SVOPL: variants seen among roughly 807,000 people sequenced by gnomAD.
SVOPL encodes the protein putative transporter SVOPL.
Under a neutral mutation model 61.0 loss-of-function variants are expected in SVOPL, and 60 were observed. The ratio of observed to expected loss-of-function variants is 0.98; its 90% confidence interval spans 0.80 to 1.22. SVOPL has a LOEUF of 1.22. SVOPL is among the 50% of genes most tolerant of loss of function. The pLI, the probability that SVOPL is intolerant of heterozygous loss-of-function variation, is 0.00. For synonymous variants in SVOPL, 279 were observed against 250.0 expected (o/e 1.12, Z -1.09); for missense variants, 662 against 643.9 (o/e 1.03, Z -0.30).
At chr7:138,603,271 A>C (rs574909411) in intron 14 of SVOPL, among the ~76,000 whole-genome samples, 1 of 152,298 alleles carries the variant, frequency 6.6e-6, no homozygotes, top group East Asian at 1.9e-4. Flanking sequence ...AGGTCTTGTG[A>C]TTTGATGGTG....
At position 138,620,961 on chromosome 7, in the gene SVOPL, G is replaced by C; in HGVS notation, c.1353+85C>G. 3 of 1,233,972 alleles carry C rather than the reference G, an allele frequency of 2.4e-6. No individual in the cohort carries two copies. In the East Asian group the frequency reaches 7.6e-5, roughly 31 times the overall value. 76.4% of individuals were successfully genotyped at this position (1,233,972 alleles called of 1,614,324 possible). ...CTCATGAAGTCAACAGAAATCCTCC[G>C]TTCTGCCTTTAATCTGAAGGTCCCT... On this transcript the variant is annotated intron_variant, in intron 14 of 15. Coordinates refer to ENST00000674285, the MANE Select transcript of SVOPL (RefSeq NM_001139456.2).
chr7:138,667,923 T>A (rs976301724), intron 4 of SVOPL, among the ~76,000 whole-genome samples: 3 of 152,210 alleles, frequency 2.0e-5, no homozygotes, highest in Non-Finnish European at 4.4e-5. Context: ...ACCAACCTCC[T>A]TCTTGGCTAG....
intron 13 of SVOPL, among the ~76,000 whole-genome samples, chr7:138,621,822 G>C (rs62485309): frequency 0.083 from 1,110 of 13,340 alleles, 36 homozygotes; most frequent in African/African-American, 0.16. Context: ...ATGTATCTAT[G>C]TATCTATGTA....
At chr7:138,622,493 C>CGG (rs916531316) in intron 13 of SVOPL, among the ~76,000 whole-genome samples, 2 of 101,124 alleles carry the variant, frequency 2.0e-5, no homozygotes, top group South Asian at 2.6e-4. Context: ...CAGCGGCGGG[C>CGG]GGGGGGTCTC....
intron 1 of SVOPL, among the ~76,000 whole-genome samples, chr7:138,698,008 G>A (rs1287194531): frequency 6.6e-6 from 1 of 151,052 alleles, no homozygotes; most frequent in East Asian, 1.9e-4. Context: ...GGAGGAAAGA[G>A]GAAAGGAGGG....
intron 10 of SVOPL, among the ~76,000 whole-genome samples, chr7:138,629,583 A>C (rs1442822354): frequency 6.6e-6 from 1 of 152,160 alleles, no homozygotes; most frequent in Admixed American, 6.6e-5. Flanking sequence ...TTCCTAATTT[A>C]ATGTATTAAA....
chr7:138,631,600 G>C (rs376948763), intron 9 of SVOPL, among the ~76,000 whole-genome samples: 1 of 151,764 alleles, frequency 6.6e-6, no homozygotes, highest in African/African-American at 2.4e-5. Flanking sequence ...AAGGAGTCTC[G>C]CTCTGTCACC....
At chr7:138,691,748 C>A (rs1234171374) in intron 1 of SVOPL, among the ~76,000 whole-genome samples, 1 of 151,994 alleles carries the variant, frequency 6.6e-6, no homozygotes, top group African/African-American at 2.4e-5. Flanking sequence ...GCCACGTTGG[C>A]CAGGCTGATC....
At chr7:138,671,157 T>C (rs1379800504) in intron 4 of SVOPL, among the ~76,000 whole-genome samples, 3 of 152,154 alleles carry the variant, frequency 2.0e-5, no homozygotes, top group Non-Finnish European at 1.5e-5. Context: ...CAATTCATGC[T>C]CAGCAGGTGG....
chr7:138,648,245 G>T (rs1208772762), intron 8 of SVOPL, among the ~76,000 whole-genome samples: 1 of 152,058 alleles, frequency 6.6e-6, no homozygotes, highest in Admixed American at 6.6e-5. Context: ...AGGAAGAGGG[G>T]CAACGAGGCA....
At chr7:138,640,912 T>C (rs987053083) in intron 9 of SVOPL, among the ~76,000 whole-genome samples, 1 of 151,894 alleles carries the variant, frequency 6.6e-6, no homozygotes, top group African/African-American at 2.4e-5. Flanking sequence ...GAATCTAAAA[T>C]AAGAGTTGAC....
At chr7:138,599,580 A>G (rs954752366) in intron 14 of SVOPL, among the ~76,000 whole-genome samples, 4 of 152,184 alleles carry the variant, frequency 2.6e-5, no homozygotes, top group Admixed American at 6.5e-5. Flanking sequence ...AGGCCTATGT[A>G]TAAATAAATT....
chr7:138,644,498 T>C (rs1489688225), intron 9 of SVOPL, among the ~76,000 whole-genome samples: 2 of 152,226 alleles, frequency 1.3e-5, no homozygotes, highest in African/African-American at 4.8e-5. Flanking sequence ...GGTGTTATTA[T>C]TCCCATTTTA....
In SVOPL at chr7:138,641,814, T is replaced by TTATA. The variant is rs10666134; in HGVS notation, c.789+2899_789+2902dup. On this transcript the variant is annotated intron_variant, in intron 9 of 15. Coordinates refer to ENST00000674285, the MANE Select transcript of SVOPL (RefSeq NM_001139456.2). ...TCTAGACGTATCAAATATATATATG[T>TTATA]TATATATATATATATATATAACATA... 7.1e-3 allele frequency among the ~76,000 whole-genome samples: 856 copies of TTATA among 120,938 alleles called. 7 individuals are homozygous for TTATA. The highest frequency in any genetic ancestry group is 0.019 in the African/African-American group (622 of 32,906). 79.3% of individuals were successfully genotyped at this position (120,938 alleles called of 152,430 possible).
chr7:138,636,708 T>C (rs1277502941), intron 9 of SVOPL, among the ~76,000 whole-genome samples: 5 of 152,110 alleles, frequency 3.3e-5, no homozygotes, highest in Non-Finnish European at 1.5e-5. Flanking sequence ...TGGCCTCAGG[T>C]GACCCACCCA....
intron 12 of SVOPL, among the ~76,000 whole-genome samples, chr7:138,626,783 C>G (rs932547282): frequency 2.6e-4 from 39 of 151,838 alleles, no homozygotes; most frequent in African/African-American, 9.4e-4. Flanking sequence ...GAGTTAGAGG[C>G]TGCAGTGAGC....
intron 13 of SVOPL, among the ~76,000 whole-genome samples, chr7:138,622,967 G>A (rs1357783417): frequency 1.3e-5 from 2 of 152,128 alleles, no homozygotes; most frequent in Non-Finnish European, 2.9e-5. Flanking sequence ...ATAAAATACT[G>A]GCAAAACAGT....
chr7:138,686,288 A>G (rs1412408692), intron 1 of SVOPL, among the ~76,000 whole-genome samples: 2 of 151,530 alleles, frequency 1.3e-5, no homozygotes, highest in African/African-American at 4.9e-5. Context: ...CTGTAATCCC[A>G]GCTACTTGGG....
intron 15 of SVOPL, 61 bp downstream of exon 15, chr7:138,596,356 T>C: frequency 6.9e-7 from 1 of 1,441,300 alleles, no homozygotes. Flanking sequence ...ATATACCAAG[T>C]TCATTTGCTC....
Sources: gnomAD v4.1 joint callset for allele counts (sites outside exome capture counted in the v4.1 genomes callset) on GRCh38, gnomAD v4.1.1 for gene constraint, MANE v1.5 for transcripts, NCBI Gene and HGNC (gene_info 2026-07-23, HGNC 2026-07-21) for gene names.